SRPK1: variants seen among roughly 807,000 people sequenced by gnomAD.
The protein encoded by SRPK1 is SRSF protein kinase 1, also known as SFRS protein kinase 1.
SRPK1 carries 52 observed loss-of-function variants against 89.5 expected under a neutral mutation model. The observed-to-expected ratio is 0.58, with a 90% CI of 0.46 to 0.73. The LOEUF (loss-of-function observed/expected upper bound fraction) is 0.73, where lower values mean the gene tolerates loss of function less well. SRPK1 is among the 30% of genes least tolerant of loss of function. The pLI is 0.00. For synonymous variants in SRPK1, 255 were observed against 270.2 expected (o/e 0.94, Z 0.55); for missense variants, 603 against 780.6 (o/e 0.77, Z 2.71).
chr6:35,915,993 TATATACACACACACAC>T (rs1771088761), intron 2 of SRPK1, among the ~76,000 whole-genome samples: 1 of 51,210 alleles, frequency 2.0e-5, no homozygotes, highest in African/African-American at 8.1e-5. Context: ...AAAAAAAAAA[TATATACACACACACAC>T]ACACACACAC....
chr6:35,851,830 A>G lies in SRPK1; in HGVS notation c.1620+5431T>C, dbSNP rs555386664. Among the ~76,000 whole-genome samples, 79 of 152,324 alleles carry G rather than the reference A, an allele frequency of 5.2e-4. 1 individual carries two copies. The South Asian group carries it at 0.016, about 31-fold the overall frequency. ...GGGCCAAGGGCTGAGTCCTTTTTCAATTAAGAGGAAGGGCCTATCTATTTA... is the reference window on the plus strand; with the variant it reads ...GGGCCAAGGGCTGAGTCCTTTTTCAGTTAAGAGGAAGGGCCTATCTATTTA... On this transcript the variant is annotated intron_variant, in intron 13 of 15. Transcript: ENST00000373825.
chr6:35,907,725 A>G (rs528965600), intron 2 of SRPK1, among the ~76,000 whole-genome samples: 2 of 152,118 alleles, frequency 1.3e-5, no homozygotes, highest in Non-Finnish European at 2.9e-5. Flanking sequence ...AAAATAAAAA[A>G]TAAAAAATAA....
At chr6:35,868,792 G>GT in intron 12 of SRPK1, among the ~76,000 whole-genome samples, 1 of 152,096 alleles carries the variant, frequency 6.6e-6, no homozygotes, top group Non-Finnish European at 1.5e-5. Flanking sequence ...GTGGGGTGGG[G>GT]TAACAGAAGG....
chr6:35,902,163 A>G (rs547920411), intron 2 of SRPK1, among the ~76,000 whole-genome samples: 4 of 150,294 alleles, frequency 2.7e-5, no homozygotes, highest in Non-Finnish European at 5.9e-5. Flanking sequence ...TAATCCCAGC[A>G]CTTTGGGAGA....
intron 7 of SRPK1, among the ~76,000 whole-genome samples, chr6:35,873,314 T>C (rs1770073895): frequency 6.6e-6 from 1 of 152,230 alleles, no homozygotes; most frequent in Non-Finnish European, 1.5e-5. Context: ...AAATTACTAT[T>C]TGCAACCAGA....
At chr6:35,861,672 G>A (rs1353574107) in intron 12 of SRPK1, among the ~76,000 whole-genome samples, 2 of 152,232 alleles carry the variant, frequency 1.3e-5, no homozygotes, top group Admixed American at 1.3e-4. Context: ...TATTTTGAGA[G>A]GTTAATGCTA....
In SRPK1 at chr6:35,909,299, G is replaced by A. The variant is rs1239964747; in HGVS notation, c.74+11169C>T. ...TTATTTTGGAGCTTTAAAATTTAGT[G>A]ACAGCCCGGCTGAATTTCAGACTTT... On this transcript the variant is annotated intron_variant, in intron 2 of 15. Coordinates refer to ENST00000373825, the MANE Select transcript of SRPK1 (RefSeq NM_003137.5). Among the ~76,000 whole-genome samples, 6 of 152,222 alleles carry A rather than the reference G, an allele frequency of 3.9e-5. No homozygotes were observed. The South Asian group carries it at 6.2e-4, about 16-fold the overall frequency.
At chr6:35,851,937 G>A (rs894026008) in intron 13 of SRPK1, among the ~76,000 whole-genome samples, 3 of 152,132 alleles carry the variant, frequency 2.0e-5, no homozygotes, top group Admixed American at 1.3e-4. Context: ...GTTTTTCTTC[G>A]GTAATCAAAG....
chr6:35,883,402 A>T (rs1770337816), intron 6 of SRPK1, among the ~76,000 whole-genome samples: 1 of 152,134 alleles, frequency 6.6e-6, no homozygotes, highest in Non-Finnish European at 1.5e-5. Flanking sequence ...AATAAATAAA[A>T]ATAAAAAAGC....
intron 7 of SRPK1, among the ~76,000 whole-genome samples, chr6:35,873,234 GA>G (rs1770072040): frequency 6.6e-6 from 1 of 152,138 alleles, no homozygotes; most frequent in Non-Finnish European, 1.5e-5. Flanking sequence ...TAGAAAATTA[GA>G]AAATGCCTAT....
chr6:35,880,746 A>AAAAAAGAAAG (rs1770263877), intron 6 of SRPK1, among the ~76,000 whole-genome samples: 5 of 89,228 alleles, frequency 5.6e-5, no homozygotes, highest in South Asian at 4.7e-4. Flanking sequence ...AAAAAAAAAA[A>AAAAAAGAAAG]AAAAGAAAAG....
At chr6:35,915,658 G>A (rs1771073725) in intron 2 of SRPK1, among the ~76,000 whole-genome samples, 1 of 151,984 alleles carries the variant, frequency 6.6e-6, no homozygotes, top group Admixed American at 6.6e-5. Flanking sequence ...AGTATGCCCA[G>A]TGATTCCATT....
chr6:35,888,605 GTC>G (rs1249563946), intron 4 of SRPK1, among the ~76,000 whole-genome samples: 1 of 152,146 alleles, frequency 6.6e-6, no homozygotes, highest in Non-Finnish European at 1.5e-5. Flanking sequence ...AATCACTCCT[GTC>G]TCTATAGTAG....
At chr6:35,854,074 C>T (rs1769616276) in intron 13 of SRPK1, among the ~76,000 whole-genome samples, 1 of 152,024 alleles carries the variant, frequency 6.6e-6, no homozygotes, top group Non-Finnish European at 1.5e-5. Flanking sequence ...TCTCAGCCTC[C>T]TGAGTAGCTG....
At chr6:35,882,118 CTAGTAGTAGTAGTAGTAGTAG>C (rs59881690) in intron 6 of SRPK1, among the ~76,000 whole-genome samples, 7 of 140,180 alleles carry the variant, frequency 5.0e-5, no homozygotes, top group African/African-American at 1.8e-4. Context: ...AGTAGTAGTA[CTAGTAGTAGTAGTAGTAGTAG>C]TAGTAGTAGT....
chr6:35,844,358 C>T (rs113562615), intron 13 of SRPK1, among the ~76,000 whole-genome samples: 31 of 151,996 alleles, frequency 2.0e-4, no homozygotes, highest in African/African-American at 6.8e-4. Context: ...ATAAAATAAG[C>T]GCTAGTCATA....
intron 2 of SRPK1, among the ~76,000 whole-genome samples, chr6:35,913,253 G>C (rs1311129767): frequency 2.0e-5 from 3 of 152,208 alleles, no homozygotes; most frequent in African/African-American, 4.8e-5. Context: ...AGAGGAAGAA[G>C]AGAACAAAAT....
At chr6:35,861,967 G>C (rs1285586516) in intron 12 of SRPK1, among the ~76,000 whole-genome samples, 2 of 152,174 alleles carry the variant, frequency 1.3e-5, no homozygotes, top group African/African-American at 2.4e-5. Flanking sequence ...AGCTGGGAGA[G>C]GAACAGCAGA....
chr6:35,887,326 G>A lies in SRPK1; in HGVS notation c.391-515C>T, dbSNP rs181238779. Reference sequence around the variant, plus strand: ...TGCCTGTAACCCCAGCTACTCTGGAGGCTAAGGCAGATCACTTGAGGCCAG... The same window carrying A: ...TGCCTGTAACCCCAGCTACTCTGGAAGCTAAGGCAGATCACTTGAGGCCAG... On this transcript the variant is annotated intron_variant, in intron 5 of 15. Transcript: ENST00000373825. Among the ~76,000 whole-genome samples the A allele has an allele frequency of 7.2e-5, 11 of 152,206 alleles. No individual in the cohort carries two copies. The East Asian group carries it at 1.9e-3, about 27-fold the overall frequency.
Sources: gnomAD v4.1 joint callset for allele counts (sites outside exome capture counted in the v4.1 genomes callset) on GRCh38, gnomAD v4.1.1 for gene constraint, MANE v1.5 for transcripts, NCBI Gene and HGNC (gene_info 2026-07-23, HGNC 2026-07-21) for gene names.